The following ACSM2B variants were observed in gnomAD, a reference collection of about 807,000 sequenced individuals.
The protein encoded by ACSM2B is acyl-coenzyme A synthetase ACSM2B, mitochondrial.
ACSM2B carries 58 observed loss-of-function variants against 78.6 expected under a neutral mutation model. The observed-to-expected ratio is 0.74, with a 90% CI of 0.60 to 0.92. The LOEUF is 0.92. Ranked by LOEUF, ACSM2B falls within the 40% of genes least tolerant of loss-of-function variation. ACSM2B has a pLI of 0.00. For missense variants in ACSM2B, 688 were observed against 711.2 expected (o/e 0.97, Z 0.37); for synonymous variants, 257 against 256.8 (o/e 1.00, Z -0.01).
rs547362426 is a variant in ACSM2B, at chr16:20,543,051, C to T, written c.1410-38G>A. 6.3e-5 allele frequency: 102 copies of T among 1,613,194 alleles called. No individual in the cohort carries two copies. In the African/African-American group the frequency reaches 6.6e-4, roughly 10 times the overall value. On this transcript the variant is annotated intron_variant, in intron 11 of 13. Coordinates refer to ENST00000329697, the MANE Select transcript of ACSM2B (RefSeq NM_001105069.2). ...CTGTCCTTCAGAGAACACTGGACAC[C>T]GAACCTCTAGGCCATTCCGGAAGTC... is the stretch of plus-strand genomic sequence containing the variant.
intron 3 of ACSM2B, among the ~76,000 whole-genome samples, chr16:20,558,190 C>A (rs921824568): frequency 1.4e-4 from 21 of 152,112 alleles, no homozygotes; most frequent in Non-Finnish European, 2.6e-4. Context: ...ACCTTGCATT[C>A]TGATGGACCA....
chr16:20,560,963 G>T (rs1276431194), intron 2 of ACSM2B, among the ~76,000 whole-genome samples: 2 of 152,030 alleles, frequency 1.3e-5, no homozygotes, highest in Non-Finnish European at 2.9e-5. Flanking sequence ...AGTGATCTGT[G>T]GAAGTTTTAA....
At chr16:20,566,628 T>C (rs1209753752) in intron 1 of ACSM2B, among the ~76,000 whole-genome samples, 3 of 60,568 alleles carry the variant, frequency 5.0e-5, no homozygotes, top group South Asian at 6.7e-4. Flanking sequence ...ATATATACTA[T>C]ATATAGTATA....
chr16:20,565,988 G>C (rs1166080542), intron 1 of ACSM2B, among the ~76,000 whole-genome samples: 1 of 151,050 alleles, frequency 6.6e-6, no homozygotes, highest in Non-Finnish European at 1.5e-5. Flanking sequence ...TGCTGCGAAT[G>C]CCATTAAGTC....
rs149747433 is a variant in ACSM2B, at chr16:20,545,231, G to T, written c.1207C>A (p.Pro403Thr). 1.9e-6 allele frequency: 3 copies of T among 1,613,760 alleles called. No individual in the cohort carries two copies. Among genetic ancestry groups the T allele is most frequent in the Non-Finnish European group, 1.7e-6 (2 of 1,179,858 alleles). The change falls in exon 10 of 14, where the codon CCC becomes ACC. Residue 403 changes from proline to threonine, a missense_variant. By Grantham distance (38) the Pro-to-Thr change is conservative (BLOSUM62 -1). Coordinates refer to ENST00000329697, the MANE Select transcript of ACSM2B (RefSeq NM_001105069.2). Reference sequence around the variant, plus strand: ...CCAATGTCTCCTTCTGTGCCGGGGGGCAGGACGTTGCCCTTATCATCTATA... The same window carrying T: ...CCAATGTCTCCTTCTGTGCCGGGGGTCAGGACGTTGCCCTTATCATCTATA... Reference protein sequence around the residue: ...QVIDDKGNVLPPGTEGDIGIR... With the variant: ...QVIDDKGNVLTPGTEGDIGIR...
In ACSM2B at chr16:20,536,511, AC is replaced by A. The variant is rs1214891415; in HGVS notation, c.*746del. 1 of 152,124 alleles carries A rather than the reference AC, an allele frequency of 6.6e-6. No individual in the cohort carries two copies. The highest frequency in any genetic ancestry group is 2.4e-5 in the African/African-American group (1 of 41,396). The allele number at this position is 152,124 out of a possible 1,614,324, so 9.4% of individuals were successfully genotyped here. Reference sequence around the variant, plus strand: ...CCTGACAGTTTCAAGGTTTGGAGTGACTTGCGGATGATTCTAATGTCCCAGC... The same window carrying A: ...CCTGACAGTTTCAAGGTTTGGAGTGATTGCGGATGATTCTAATGTCCCAGC... On this transcript the variant is annotated 3_prime_UTR_variant, in exon 14 of 14. Transcript: ENST00000329697.
In ACSM2B at chr16:20,565,976, G is replaced by A. The variant is rs191092331; in HGVS notation, c.-8-1123C>T. 1.4e-4 allele frequency among the ~76,000 whole-genome samples: 21 copies of A among 151,064 alleles called. No individual in the cohort carries two copies. The East Asian group carries it at 2.7e-3, about 20-fold the overall frequency. ...AGCGATGGTCTCCAATCCCATCCAG[G>A]TTGCTGCGAATGCCATTAAGTCATT... On this transcript the variant is annotated intron_variant, in intron 1 of 13. Transcript: ENST00000329697.
chr16:20,575,334 T>A (rs1347105728), intron 1 of ACSM2B: 1 of 151,880 alleles, frequency 6.6e-6, no homozygotes. Context: ...AGTATATATA[T>A]GAGTTTACTA....
At position 20,573,140 on chromosome 16, in the gene ACSM2B, C is replaced by T. The variant is rs144042636; in HGVS notation, c.-9+3067G>A. ...TTTTTGGGGGGAGGTGTTAAACAGCCTTGTTTTATCATATTCCCAGAATCG... is the reference window on the plus strand; with the variant it reads ...TTTTTGGGGGGAGGTGTTAAACAGCTTTGTTTTATCATATTCCCAGAATCG... On this transcript the variant is annotated intron_variant, in intron 1 of 13. Transcript: ENST00000329697. Among the ~76,000 whole-genome samples, 71 of 151,826 alleles carry T rather than the reference C, an allele frequency of 4.7e-4. No individual in the cohort carries two copies. The East Asian group carries it at 0.012, about 25-fold the overall frequency.
chr16:20,569,695 C>T (rs2152149298), intron 1 of ACSM2B, among the ~76,000 whole-genome samples: 1 of 151,812 alleles, frequency 6.6e-6, no homozygotes, highest in Middle Eastern at 3.4e-3. Context: ...TTTATTCTAC[C>T]CATCCATGAG....
chr16:20,571,014 A>G (rs1301724974), intron 1 of ACSM2B, among the ~76,000 whole-genome samples: 2 of 151,814 alleles, frequency 1.3e-5, no homozygotes, highest in African/African-American at 4.8e-5. Context: ...TTGTCTTTTC[A>G]AAGAACCAGA....
At chr16:20,565,997 T>C (rs1268588659) in intron 1 of ACSM2B, among the ~76,000 whole-genome samples, 2 of 151,110 alleles carry the variant, frequency 1.3e-5, no homozygotes, top group African/African-American at 4.9e-5. Flanking sequence ...TGCCATTAAG[T>C]CATTGCTTTT....
At chr16:20,560,515 C>T (rs2015619781) in intron 2 of ACSM2B, among the ~76,000 whole-genome samples, 1 of 152,004 alleles carries the variant, frequency 6.6e-6, no homozygotes, top group Non-Finnish European at 1.5e-5. Flanking sequence ...TCTTGAGGCC[C>T]CCATCAGAAG....
chr16:20,575,755 C>T (rs1370348204), intron 1 of ACSM2B: 1 of 149,368 alleles, frequency 6.7e-6, no homozygotes, highest in Non-Finnish European at 1.5e-5. Context: ...AATCAATTGA[C>T]ACTCAGTATT....
chr16:20,553,068 G>A (rs7499304), intron 5 of ACSM2B, among the ~76,000 whole-genome samples: 4 of 151,980 alleles, frequency 2.6e-5, no homozygotes, highest in Non-Finnish European at 5.9e-5. Flanking sequence ...GCCTTTTACT[G>A]CAGCTCTTCT....
intron 13 of ACSM2B, among the ~76,000 whole-genome samples, chr16:20,540,171 G>C (rs2014944804): frequency 6.6e-6 from 1 of 151,636 alleles, no homozygotes. Flanking sequence ...CAAGATAGTT[G>C]CTAGATTGTC....
Position 20,537,252 on chromosome 16 carries a change from G to C in ACSM2B, c.*6C>G. 6.2e-7 allele frequency: 1 copy of C among 1,613,822 alleles called. No homozygotes were observed. Among genetic ancestry groups the C allele is most frequent in the Non-Finnish European group, 8.5e-7 (1 of 1,179,692 alleles). On this transcript the variant is annotated 3_prime_UTR_variant, in exon 14 of 14. Transcript: ENST00000329697. ...GGGGAATCCAAATGAATGTCTCCTA[G>C]ACGCCTCACTGCGCACGGGCTTTTC...
chr16:20,557,199 A>T (rs189525547), intron 3 of ACSM2B, among the ~76,000 whole-genome samples: 271 of 146,700 alleles, frequency 1.8e-3, no homozygotes, highest in African/African-American at 6.4e-3. Context: ...TAGAGCCTTA[A>T]ATCCAACTTG....
intron 4 of ACSM2B, 76 bp from the exon 5 acceptor site, chr16:20,553,996 C>T (rs1307368774): frequency 1.3e-6 from 2 of 1,599,754 alleles, no homozygotes; most frequent in South Asian, 1.1e-5. Flanking sequence ...TCTTTTCCCA[C>T]CACCCACTGT....
Sources: allele counts gnomAD v4.1 joint callset (sites outside exome capture counted in the v4.1 genomes callset), GRCh38; gene constraint gnomAD v4.1.1; transcripts MANE v1.5; gene names NCBI Gene and HGNC (gene_info 2026-07-23, HGNC 2026-07-21).